The following TBC1D5 variants were observed in gnomAD, a reference collection of about 807,000 sequenced individuals.
The protein encoded by TBC1D5 is TBC1 domain family member 5, also known as TBC1 domain family, member 5.
In TBC1D5, 75 loss-of-function variants were observed where a neutral mutation model predicts 100.3. That is an observed-to-expected ratio of 0.75 (90% CI 0.62 to 0.91). The LOEUF is 0.91. Among genes scored for constraint, TBC1D5 ranks in the 40% least tolerant of loss-of-function variants. TBC1D5 has a pLI of 0.00. For missense variants in TBC1D5, 910 were observed against 942.4 expected, an observed-to-expected ratio of 0.97 and a Z score of 0.45; for synonymous variants, 323 against 325.6, an observed-to-expected ratio of 0.99 and a Z score of 0.09.
At chr3:17,653,398 G>A (rs1297041603) in intron 1 of TBC1D5, among the ~76,000 whole-genome samples, 1 of 152,016 alleles carries the variant, frequency 6.6e-6, no homozygotes, top group African/African-American at 2.4e-5. Context: ...GTGTATCAGA[G>A]GACATCATCT....
chr3:17,291,555 C>A (rs1450010087), intron 15 of TBC1D5, among the ~76,000 whole-genome samples: 1 of 152,156 alleles, frequency 6.6e-6, no homozygotes, highest in African/African-American at 2.4e-5. Flanking sequence ...GATAAATCAA[C>A]CCCTGTGTGG....
chr3:17,733,740 C>T (rs181243375), intron 1 of TBC1D5, among the ~76,000 whole-genome samples: 75 of 152,116 alleles, frequency 4.9e-4, no homozygotes, highest in African/African-American at 1.8e-3. Flanking sequence ...AGCACAACTT[C>T]CGTAAGTCAA....
intron 3 of TBC1D5, among the ~76,000 whole-genome samples, chr3:17,470,248 A>G (rs1195660985): frequency 2.0e-5 from 3 of 152,222 alleles, no homozygotes; most frequent in Admixed American, 2.0e-4. Flanking sequence ...AACTCACTTA[A>G]AACATTATTT....
chr3:17,169,866 C>T (rs2066994854), intron 19 of TBC1D5, among the ~76,000 whole-genome samples: 1 of 152,124 alleles, frequency 6.6e-6, no homozygotes, highest in Non-Finnish European at 1.5e-5. Flanking sequence ...AATGGTTTCG[C>T]GATGAAACTG....
At chr3:17,738,129 T>A (rs1210797059) in intron 1 of TBC1D5, among the ~76,000 whole-genome samples, 6 of 152,238 alleles carry the variant, frequency 3.9e-5, no homozygotes, top group Non-Finnish European at 8.8e-5. Flanking sequence ...AGATCTGAGC[T>A]GTCAAACTAT....
intron 8 of TBC1D5, among the ~76,000 whole-genome samples, chr3:17,393,395 T>C (rs951236859): frequency 2.0e-5 from 3 of 152,166 alleles, no homozygotes; most frequent in Non-Finnish European, 4.4e-5. Flanking sequence ...ATGGCCATAC[T>C]GCCCAAAGTA....
intron 1 of TBC1D5, among the ~76,000 whole-genome samples, chr3:17,694,890 G>A (rs1016189934): frequency 1.3e-5 from 2 of 152,210 alleles, no homozygotes; most frequent in Non-Finnish European, 2.9e-5. Context: ...CAGACTAACA[G>A]CGGACCTCTC....
At chr3:17,564,003 C>T (rs912564422) in intron 2 of TBC1D5, among the ~76,000 whole-genome samples, 19 of 152,282 alleles carry the variant, frequency 1.2e-4, no homozygotes, top group South Asian at 4.1e-4. Flanking sequence ...AGGATGGTCT[C>T]GATCTCCTGA....
intron 15 of TBC1D5, among the ~76,000 whole-genome samples, chr3:17,284,140 C>A (rs1233150426): frequency 1.1e-5 from 1 of 92,016 alleles, no homozygotes; most frequent in African/African-American, 4.5e-5. Flanking sequence ...TTAATTTAGA[C>A]AGAGTCTTGG....
intron 1 of TBC1D5, among the ~76,000 whole-genome samples, chr3:17,738,332 A>G (rs1241005407): frequency 6.6e-6 from 1 of 152,202 alleles, no homozygotes. Flanking sequence ...TCCACAGAAT[A>G]TCTATCACTT....
chr3:17,581,984 A>G (rs2096701042), intron 2 of TBC1D5, among the ~76,000 whole-genome samples: 1 of 152,050 alleles, frequency 6.6e-6, no homozygotes, highest in Non-Finnish European at 1.5e-5. Flanking sequence ...GTCTTTACTC[A>G]CATGTTACCT....
chr3:17,601,995 A>C (rs2060986159), intron 2 of TBC1D5, among the ~76,000 whole-genome samples: 1 of 151,840 alleles, frequency 6.6e-6, no homozygotes, highest in Admixed American at 6.6e-5. Flanking sequence ...ACGCCTGGCT[A>C]ATTTTTTTTG....
chr3:17,314,227 T>C (rs777017719), intron 13 of TBC1D5, among the ~76,000 whole-genome samples: 1 of 152,158 alleles, frequency 6.6e-6, no homozygotes, highest in Non-Finnish European at 1.5e-5. Context: ...GTATGAGGCA[T>C]AGAGTAGGGG....
intron 16 of TBC1D5, among the ~76,000 whole-genome samples, chr3:17,251,652 T>C (rs148336005): frequency 6.6e-5 from 10 of 152,332 alleles, no homozygotes; most frequent in African/African-American, 2.2e-4. Context: ...CACCATGGAT[T>C]GCTATAATTA....
chr3:17,161,615 G>C (rs2066063621), intron 21 of TBC1D5, among the ~76,000 whole-genome samples: 2 of 152,256 alleles, frequency 1.3e-5, no homozygotes, highest in African/African-American at 4.8e-5. Flanking sequence ...CGTCATGTGG[G>C]ACCCTGCCAT....
intron 15 of TBC1D5, among the ~76,000 whole-genome samples, chr3:17,265,629 C>T (rs2078766202): frequency 1.3e-5 from 2 of 152,224 alleles, no homozygotes; most frequent in African/African-American, 2.4e-5. Context: ...CAAAGCATTA[C>T]AGGGTTATGC....
At chr3:17,580,151 C>T (rs1048556056) in intron 2 of TBC1D5, among the ~76,000 whole-genome samples, 3 of 151,990 alleles carry the variant, frequency 2.0e-5, no homozygotes, top group African/African-American at 7.2e-5. Flanking sequence ...TTTTGATGGC[C>T]CTGTTTCTAC....
intron 1 of TBC1D5, among the ~76,000 whole-genome samples, chr3:17,711,799 C>G (rs965272736): frequency 6.6e-6 from 1 of 152,164 alleles, no homozygotes; most frequent in African/African-American, 2.4e-5. Flanking sequence ...TTCAGTGTTA[C>G]AAGCAGTGCT....
At chr3:17,172,395 C>A (rs1047656254) in intron 19 of TBC1D5, among the ~76,000 whole-genome samples, 11 of 152,316 alleles carry the variant, frequency 7.2e-5, no homozygotes, top group African/African-American at 2.6e-4. Flanking sequence ...TAAAAGTAGA[C>A]AAACGTAATG....
Sources: gnomAD v4.1 joint callset for allele counts (sites outside exome capture counted in the v4.1 genomes callset) on GRCh38, gnomAD v4.1.1 for gene constraint, MANE v1.5 for transcripts, NCBI Gene and HGNC (gene_info 2026-07-23, HGNC 2026-07-21) for gene names.